Variants in AKR1E2 observed in about 807,000 individuals in gnomAD.
AKR1E2 encodes the protein aldo-keto reductase family 1 member E2.
In AKR1E2, 43 loss-of-function variants were observed where a neutral mutation model predicts 41.9. That is an observed-to-expected ratio of 1.03 (90% CI 0.80 to 1.32). The LOEUF is 1.32. Ranked by LOEUF, AKR1E2 falls within the 40% of genes most tolerant of loss-of-function variation. The pLI is 0.00. For missense variants in AKR1E2, 423 were observed against 396.5 expected (o/e 1.07, Z -0.57); for synonymous variants, 121 against 138.9 (o/e 0.87, Z 0.91).
the AKR1E2 span, among the ~76,000 whole-genome samples, chr10:4,853,735 A>T: frequency 6.6e-6 from 1 of 152,218 alleles, no homozygotes; most frequent in Admixed American, 6.5e-5. Context: ...GTAAAATGAG[A>T]CTGAGACCTA....
At position 4,827,393 on chromosome 10, in the gene AKR1E2, C is replaced by A. The variant is rs1356550360; in HGVS notation, c.39+1030C>A. On this transcript the variant is annotated intron_variant, in intron 1 of 9. Transcript: ENST00000298375. ...ATTGTTGACTGTTGGCATCCTAGTG[C>A]GCAGTAAGTCTTAAAAGCTGTGTCT... 4.2e-5 allele frequency among the ~76,000 whole-genome samples: 6 copies of A among 141,992 alleles called. 2 individuals carry two copies. Among genetic ancestry groups the A allele is most frequent in the Non-Finnish European group, 9.7e-5 (6 of 61,656 alleles). The allele number at this position is 141,992 out of a possible 152,430, so 93.2% of individuals were successfully genotyped here. A position where few individuals can be genotyped will look rare whatever the true frequency, so the allele number is the denominator to read the frequency against.
the AKR1E2 span, among the ~76,000 whole-genome samples, chr10:4,864,809 C>A: frequency 6.6e-6 from 1 of 152,190 alleles, no homozygotes; most frequent in African/African-American, 2.4e-5. Context: ...TTCTTATACA[C>A]CAATAACAGA....
At chr10:4,864,250 A>C in the AKR1E2 span, among the ~76,000 whole-genome samples, 2 of 152,140 alleles carry the variant, frequency 1.3e-5, no homozygotes, top group African/African-American at 4.8e-5. Context: ...CACATCAAAA[A>C]GCTTATCCAC....
intron 1 of AKR1E2, 33 bp from the exon 2 acceptor site, chr10:4,830,642 G>T (rs764731133): frequency 1.2e-6 from 2 of 1,610,970 alleles, no homozygotes; most frequent in Non-Finnish European, 1.7e-6. Flanking sequence ...TCCTCTGACT[G>T]TGAGAAGACA....
chr10:4,869,063 T>TG, the AKR1E2 span, among the ~76,000 whole-genome samples: 174 of 152,306 alleles, frequency 1.1e-3, 3 homozygotes, highest in African/African-American at 4.0e-3. Context: ...TAAAATGAAC[T>TG]GGGAAGTGTT....
At chr10:4,842,037 A>G (rs1278966546) in intron 7 of AKR1E2, among the ~76,000 whole-genome samples, 180 bp downstream of exon 7, 2 of 152,098 alleles carry the variant, frequency 1.3e-5, no homozygotes, top group Non-Finnish European at 2.9e-5. Context: ...TAGTCACTCA[A>G]GCCATGTACT....
the AKR1E2 span, among the ~76,000 whole-genome samples, chr10:4,868,505 G>A: frequency 3.3e-5 from 5 of 152,132 alleles, no homozygotes; most frequent in African/African-American, 1.2e-4. Context: ...CACGTCACCT[G>A]CAAATGGAAA....
chr10:4,865,696 T>C, the AKR1E2 span, among the ~76,000 whole-genome samples: 4 of 152,170 alleles, frequency 2.6e-5, no homozygotes, highest in African/African-American at 9.7e-5. Context: ...GGTAGGACTA[T>C]AAATTTATAT....
At chr10:4,867,020 G>A in the AKR1E2 span, among the ~76,000 whole-genome samples, 5,562 of 152,156 alleles carry the variant, frequency 0.037, 111 homozygotes, top group East Asian at 0.072. Flanking sequence ...TAATCTTGTG[G>A]CTAATGTTAA....
chr10:4,849,830 G>C (rs1179688697), downstream of AKR1E2, among the ~76,000 whole-genome samples: 1 of 152,232 alleles, frequency 6.6e-6, no homozygotes, highest in South Asian at 2.1e-4. Context: ...CTGGCCACCA[G>C]GTGGCGCTGG....
intron 6 of AKR1E2, among the ~76,000 whole-genome samples, chr10:4,841,508 C>T (rs1833870612): frequency 6.6e-6 from 1 of 152,094 alleles, no homozygotes; most frequent in Non-Finnish European, 1.5e-5. Flanking sequence ...CCACTGGCTG[C>T]ATGCGCTGAC....
the AKR1E2 span, among the ~76,000 whole-genome samples, chr10:4,860,308 G>T: frequency 1.3e-5 from 2 of 152,190 alleles, no homozygotes; most frequent in Non-Finnish European, 2.9e-5. Context: ...TCAAGAATAT[G>T]TCTTCTCTCT....
chr10:4,865,660 G>A, the AKR1E2 span, among the ~76,000 whole-genome samples: 2 of 152,124 alleles, frequency 1.3e-5, no homozygotes, highest in African/African-American at 4.8e-5. Flanking sequence ...TAAGTTTGTG[G>A]AAAAATAGCC....
In AKR1E2 at chr10:4,835,728, A is replaced by T. The variant is rs1247348240; in HGVS notation, c.378A>T (p.Ser126=). 4 of 1,613,918 alleles carry T rather than the reference A, an allele frequency of 2.5e-6. No individual in the cohort carries two copies. Among genetic ancestry groups the T allele is most frequent in the African/African-American group, 1.3e-5 (1 of 74,884 alleles). Residue 126 remains serine (S), a synonymous_variant, in exon 4 of 10, where the codon TCA becomes TCT. Coordinates refer to ENST00000298375, the MANE Select transcript of AKR1E2 (RefSeq NM_001040177.3). Reference sequence around the variant, plus strand: ...GCAGTGAACTTTCCTTCTGCCTCTCACATCCTCGAGTGCAGGACTTGCCTC... The same window carrying T: ...GCAGTGAACTTTCCTTCTGCCTCTCTCATCCTCGAGTGCAGGACTTGCCTC... The part of the protein sequence containing the change: ...MSCSELSFCL[S]HPRVQDLPLD...
rs369034409 is a variant in AKR1E2, at chr10:4,837,500, C to T, written c.501C>T (p.Ile167=). The change falls in exon 5 of 10, where the codon ATC becomes ATT. Residue 167 remains isoleucine (I), a synonymous_variant. Transcript: ENST00000298375. ...DLVITGLVKN[I]GVSNFNHEQL... is the part of the protein sequence containing the mutation. ...TGATCACCGGGCTGGTGAAGAACAT[C>T]GGGGTGTCAAACTTCAACCATGAAC... 9.9e-6 allele frequency: 16 copies of T among 1,613,432 alleles called. No homozygotes were observed. Among genetic ancestry groups the T allele is most frequent in the African/African-American group, 8.0e-5 (6 of 74,874 alleles).
At chr10:4,828,981 TATC>T (rs144615909) in intron 1 of AKR1E2, among the ~76,000 whole-genome samples, 2,484 of 152,308 alleles carry the variant, frequency 0.016, 50 homozygotes, top group African/African-American at 0.056. Context: ...CAAATGATCA[TATC>T]ATCAGCAAAT....
At chr10:4,846,588 C>G (rs1175752731) in intron 8 of AKR1E2, among the ~76,000 whole-genome samples, 5 of 151,378 alleles carry the variant, frequency 3.3e-5, no homozygotes, top group Non-Finnish European at 5.9e-5. Flanking sequence ...CTCTGTCATC[C>G]AAGCTGGAGT....
Position 4,826,232 on chromosome 10 carries a change from C to A in AKR1E2, c.-93C>A. On this transcript the variant is annotated 5_prime_UTR_variant, in exon 1 of 10. Coordinates refer to ENST00000298375, the MANE Select transcript of AKR1E2 (RefSeq NM_001040177.3). Reference sequence around the variant, plus strand: ...GTCACAAGGCACTTCCAGCCAGTCGCAACGGCGGGTCGCCAGCGCCGCAGT... The same window carrying A: ...GTCACAAGGCACTTCCAGCCAGTCGAAACGGCGGGTCGCCAGCGCCGCAGT... 2 of 1,057,542 alleles carry A rather than the reference C, an allele frequency of 1.9e-6. No homozygotes were observed. The highest frequency in any genetic ancestry group is 2.4e-6 in the Non-Finnish European group (2 of 827,576). The allele number at this position is 1,057,542 out of a possible 1,614,324, so 65.5% of individuals were successfully genotyped here.
At chr10:4,834,706 C>G (rs1208830959) in intron 3 of AKR1E2, among the ~76,000 whole-genome samples, 5 of 152,226 alleles carry the variant, frequency 3.3e-5, no homozygotes, top group Admixed American at 6.5e-5. Context: ...TCAGGTCAGA[C>G]ATTTGTTACA....
Sources: gnomAD v4.1 joint callset for allele counts (sites outside exome capture counted in the v4.1 genomes callset) on GRCh38, gnomAD v4.1.1 for gene constraint, MANE v1.5 for transcripts, NCBI Gene and HGNC (gene_info 2026-07-23, HGNC 2026-07-21) for gene names.